The following CYP4F12 variants were observed in gnomAD, a reference collection of about 807,000 sequenced individuals.
CYP4F12 encodes the protein cytochrome P450 family 4 subfamily F member 12.
CYP4F12 carries 60 observed loss-of-function variants against 56.5 expected under a neutral mutation model. The observed-to-expected ratio is 1.06, with a 90% CI of 0.86 to 1.32. The LOEUF (loss-of-function observed/expected upper bound fraction) is 1.32. CYP4F12 is among the 40% of genes most tolerant of loss of function. The pLI is 0.00. For synonymous variants in CYP4F12, 263 were observed against 264.9 expected, an observed-to-expected ratio of 0.99 and a Z score of 0.07; for missense variants, 711 against 683.5, an observed-to-expected ratio of 1.04 and a Z score of -0.45.
chr19:15,680,503 G>A lies in CYP4F12; in HGVS notation c.509G>A (p.Ser170Asn), dbSNP rs756590184. Reference protein sequence around the residue: ...LKSYITIFNKSANIMLDKWQH... With the variant: ...LKSYITIFNKNANIMLDKWQH... ...TCCTATATAACGATCTTCAACAAGA[G>A]TGCAAACATCATGCTTGTGAGTCCC... is the stretch of plus-strand genomic sequence containing the variant. Residue 170 changes from serine to asparagine, a missense_variant, in exon 5 of 13, where the codon AGT (serine) becomes AAT (asparagine). By Grantham distance (46) the Ser-to-Asn change is conservative. Coordinates refer to ENST00000550308, the MANE Select transcript of CYP4F12 (RefSeq NM_023944.4). The A allele has an allele frequency of 6.2e-6, 10 of 1,614,060 alleles. No individual in the cohort carries two copies. Among genetic ancestry groups the A allele is most frequent in the Non-Finnish European group, 8.5e-6 (10 of 1,180,044 alleles).
chr19:15,674,775 C>A (rs1425295590), intron 2 of CYP4F12, among the ~76,000 whole-genome samples: 2 of 129,136 alleles, frequency 1.5e-5, no homozygotes, highest in Admixed American at 1.7e-4. Context: ...CCTTTCTCAC[C>A]TCCCTGTCCT....
intron 5 of CYP4F12, 66 bp from the exon 6 acceptor site, chr19:15,682,323 T>C (rs2144727811): frequency 2.5e-6 from 4 of 1,590,582 alleles, no homozygotes; most frequent in Non-Finnish European, 3.4e-6. Flanking sequence ...ATCCTGATGT[T>C]TGGGACTGGG....
intron 4 of CYP4F12, 24 bp downstream of exon 4, chr19:15,680,321 G>A (rs2007216413): frequency 6.2e-7 from 1 of 1,613,034 alleles, no homozygotes; most frequent in Non-Finnish European, 8.5e-7. Flanking sequence ...GGTGAAAGGG[G>A]TTGGGGACAA....
chr19:15,684,566 G>T, intron 7 of CYP4F12: 1 of 428,468 alleles, frequency 2.3e-6, no homozygotes. Context: ...GAAAATATTC[G>T]AGAACCATTG....
intron 9 of CYP4F12, among the ~76,000 whole-genome samples, chr19:15,688,521 A>G (rs978014379): frequency 6.6e-6 from 1 of 152,214 alleles, no homozygotes; most frequent in Non-Finnish European, 1.5e-5. Context: ...ATATTGTGAA[A>G]ATGATCATAG....
Position 15,696,000 on chromosome 19 carries a change from C to G in CYP4F12, c.1180C>G (p.Pro394Ala), listed in dbSNP as rs1292935520. The change falls in exon 10 of 13, where the codon CCA becomes GCA. Residue 394 changes from proline (P) to alanine (A), a missense_variant. Coordinates refer to ENST00000550308, the MANE Select transcript of CYP4F12 (RefSeq NM_023944.4). ...CVKESLRLHP[P>A]APFISRCCTQ... ...GAAGGAGAGCCTGAGGTTACATCCCCCAGCTCCCTTCATCTCCCGATGCTG... is the reference window on the plus strand; with the variant it reads ...GAAGGAGAGCCTGAGGTTACATCCCGCAGCTCCCTTCATCTCCCGATGCTG... 6.2e-7 allele frequency: 1 copy of G among 1,613,930 alleles called. No individual in the cohort carries two copies. The highest frequency in any genetic ancestry group is 2.2e-5 in the East Asian group (1 of 44,892).
chr19:15,690,917 CTCT>C (rs773252303), intron 9 of CYP4F12, among the ~76,000 whole-genome samples: 21 of 152,274 alleles, frequency 1.4e-4, no homozygotes, highest in South Asian at 1.2e-3. Context: ...TATCATCGAT[CTCT>C]TCTTATATTC....
chr19:15,687,484 C>T (rs2007672352), intron 9 of CYP4F12, among the ~76,000 whole-genome samples: 1 of 152,080 alleles, frequency 6.6e-6, no homozygotes, highest in African/African-American at 2.4e-5. Context: ...GTGCCTCTCC[C>T]ATGTGGAAGG....
intron 7 of CYP4F12, 21 bp downstream of exon 7, chr19:15,683,784 A>T (rs760183724): frequency 1.3e-6 from 2 of 1,513,542 alleles, no homozygotes; most frequent in South Asian, 2.7e-5. Flanking sequence ...CTATGATCTG[A>T]ATTTAGGTGA....
intron 3 of CYP4F12, among the ~76,000 whole-genome samples, chr19:15,678,746 T>C (rs371897247): frequency 1.1e-4 from 16 of 152,316 alleles, no homozygotes; most frequent in African/African-American, 3.8e-4. Flanking sequence ...GAATGTTTCC[T>C]GGAGGAAGAG....
chr19:15,696,388 A>G (rs1204216695), intron 11 of CYP4F12, 42 bp from the exon 12 acceptor site: 3 of 1,613,718 alleles, frequency 1.9e-6, no homozygotes, highest in Non-Finnish European at 2.5e-6. Context: ...GCTGCTGGAC[A>G]TAGGAAATCC....
In CYP4F12 at chr19:15,678,279, G is replaced by T; in HGVS notation, c.217G>T (p.Gly73Cys). The change falls in exon 3 of 13, where the codon GGC becomes TGC. Residue 73 changes from glycine (G) to cysteine (C), a missense_variant. Physicochemically the swap from Gly to Cys is radical, Grantham distance 159. Transcript: ENST00000550308. ...CTTTCAGATCACTCCTACAGAGGAG[G>T]GCTTGAAGAACTCGACCCAGATGTC... Reference protein sequence around the residue: ...HLGLITPTEEGLKNSTQMSAT... With the variant: ...HLGLITPTEECLKNSTQMSAT... The T allele has an allele frequency of 6.2e-7, 1 of 1,614,200 alleles. No individual in the cohort carries two copies. The highest frequency in any genetic ancestry group is 1.3e-5 in the African/African-American group (1 of 75,054).
intron 3 of CYP4F12, 165 bp downstream of exon 3, chr19:15,678,570 A>C: frequency 2.1e-6 from 2 of 974,398 alleles, no homozygotes; most frequent in East Asian, 2.6e-5. Flanking sequence ...TCTGGGCACC[A>C]CTGGGGCTCC....
chr19:15,681,624 T>C (rs1274878444), intron 5 of CYP4F12: 1 of 152,242 alleles, frequency 6.6e-6, no homozygotes, highest in Non-Finnish European at 1.5e-5. Context: ...GAATCTACTT[T>C]AATAGTGGCA....
chr19:15,682,939 G>T (rs1182619286), intron 6 of CYP4F12, among the ~76,000 whole-genome samples: 1 of 152,194 alleles, frequency 6.6e-6, no homozygotes, highest in Non-Finnish European at 1.5e-5. Flanking sequence ...GGTTCACCAT[G>T]TTGTCCAGGC....
intron 12 of CYP4F12, 68 bp from the exon 13 acceptor site, chr19:15,696,839 AG>A: frequency 6.6e-7 from 1 of 1,521,502 alleles, no homozygotes; most frequent in Non-Finnish European, 8.8e-7. Context: ...GTCCCAGGCC[AG>A]GTTCCTGGGT....
At position 15,697,080 on chromosome 19, in the gene CYP4F12, C is replaced by T. The variant is rs763432454; in HGVS notation, c.1570C>T (p.Gln524Ter). Residue 524 changes from glutamine to a stop codon, truncating the protein, a stop_gained, in exon 13 of 13, where the codon CAG (glutamine) becomes TAG (stop). Transcript: ENST00000550308. LOFTEE classifies it high-confidence loss of function. ...GGTGGAGCCCCTGAATGTAAGCTTGCAGTGACTTTCTGACCCATCCACCTG... is the reference window on the plus strand; with the variant it reads ...GGTGGAGCCCCTGAATGTAAGCTTGTAGTGACTTTCTGACCCATCCACCTG... ...LRVEPLNVSL[Q>*] The T allele has an allele frequency of 7.4e-6, 12 of 1,612,116 alleles. No homozygotes were observed. Among genetic ancestry groups the T allele is most frequent in the African/African-American group, 1.3e-5 (1 of 74,886 alleles).
chr19:15,693,771 T>C (rs999214878), intron 9 of CYP4F12, among the ~76,000 whole-genome samples: 2 of 149,762 alleles, frequency 1.3e-5, no homozygotes, highest in African/African-American at 5.0e-5. Context: ...CCCATGTCTA[T>C]GTCTTGAATG....
At chr19:15,687,888 C>T (rs1345938698) in intron 9 of CYP4F12, among the ~76,000 whole-genome samples, 1 of 152,188 alleles carries the variant, frequency 6.6e-6, no homozygotes, top group African/African-American at 2.4e-5. Flanking sequence ...GGAAGTCAGA[C>T]AACTAGCTCA....
Sources: gnomAD v4.1 joint callset for allele counts (sites outside exome capture counted in the v4.1 genomes callset) on GRCh38, gnomAD v4.1.1 for gene constraint, MANE v1.5 for transcripts, NCBI Gene and HGNC (gene_info 2026-07-23, HGNC 2026-07-21) for gene names.